The following AK9 variants were observed in gnomAD, a reference collection of about 807,000 sequenced individuals.
AK9 encodes the protein adenylate kinase 9, also known as adenylate kinase domain containing 1.
AK9 carries 191 observed loss-of-function variants against 239.6 expected under a neutral mutation model. The observed-to-expected ratio is 0.80, with a 90% CI of 0.71 to 0.90. The LOEUF is 0.90. AK9 is among the 40% of genes least tolerant of loss of function. The pLI is 0.00. For synonymous variants in AK9, 689 were observed against 721.0 expected (o/e 0.96, Z 0.71); for missense variants, 1,995 against 2,214.7 (o/e 0.90, Z 1.99).
chr6:109,553,060 C>G (rs4946985), intron 24 of AK9, among the ~76,000 whole-genome samples: 1 of 151,958 alleles, frequency 6.6e-6, no homozygotes, highest in African/African-American at 2.4e-5. Flanking sequence ...TTCCATTGGT[C>G]TATATGTCTG....
intron 24 of AK9, among the ~76,000 whole-genome samples, chr6:109,558,974 T>C (rs1489914381): frequency 6.6e-6 from 1 of 151,796 alleles, no homozygotes; most frequent in Non-Finnish European, 1.5e-5. Flanking sequence ...GTCTCAGCAT[T>C]GCCAGCAGCT....
chr6:109,640,688 A>C (rs1282449046), intron 10 of AK9, among the ~76,000 whole-genome samples: 1 of 151,678 alleles, frequency 6.6e-6, no homozygotes, highest in African/African-American at 2.4e-5. Flanking sequence ...AAGTGCTGGG[A>C]TACTGTGCCC....
At chr6:109,602,599 T>C (rs940023831) in intron 17 of AK9, among the ~76,000 whole-genome samples, 1 of 152,164 alleles carries the variant, frequency 6.6e-6, no homozygotes, top group Non-Finnish European at 1.5e-5. Context: ...TCTCTGTATT[T>C]CCTGAATTTG....
At chr6:109,535,718 C>T (rs2128138875) in intron 27 of AK9, among the ~76,000 whole-genome samples, 1 of 152,254 alleles carries the variant, frequency 6.6e-6, no homozygotes, top group South Asian at 2.1e-4. Flanking sequence ...AGGTTTCCTT[C>T]TAGGGTTTTT....
At chr6:109,641,730 C>T in intron 9 of AK9, 114 bp from the exon 10 acceptor site, 1 of 867,796 alleles carries the variant, frequency 1.2e-6, no homozygotes, top group East Asian at 2.8e-5. Context: ...TGGGTCGAAT[C>T]CTTGCTTGCT....
chr6:109,596,953 TCAAA>T (rs2128224204), intron 17 of AK9, among the ~76,000 whole-genome samples: 1 of 152,336 alleles, frequency 6.6e-6, no homozygotes, highest in Admixed American at 6.5e-5. Context: ...TAGTATTTTA[TCAAA>T]CAAATAAACC....
At position 109,645,821 on chromosome 6, in the gene AK9, C is replaced by A. The variant is rs116209888; in HGVS notation, c.760-1133G>T. Among the ~76,000 whole-genome samples, 446 of 152,310 alleles carry A rather than the reference C, an allele frequency of 2.9e-3. 3 individuals carry two copies. The highest frequency in any genetic ancestry group is 0.01 in the African/African-American group (432 of 41,570). On this transcript the variant is annotated intron_variant, in intron 8 of 40. Transcript: ENST00000424296. The stretch of plus-strand genomic sequence containing the variant: ...ACCTCCCAGTAGGGGCTCACTGACA[C>A]CTCATACAGCCAAGAGCTCCTCTGA...
intron 1 of AK9, among the ~76,000 whole-genome samples, chr6:109,677,228 C>A (rs923924566): frequency 3.9e-5 from 6 of 152,120 alleles, no homozygotes; most frequent in African/African-American, 1.2e-4. Flanking sequence ...TGCACATGTA[C>A]CCCGAACCTA....
intron 8 of AK9, among the ~76,000 whole-genome samples, chr6:109,653,443 C>T (rs1282294614): frequency 6.6e-6 from 1 of 152,302 alleles, no homozygotes. Context: ...TTCAGATATG[C>T]ATCTCTGTAA....
At chr6:109,550,805 T>C (rs779616723) in intron 24 of AK9, among the ~76,000 whole-genome samples, 3 of 152,182 alleles carry the variant, frequency 2.0e-5, no homozygotes, top group Non-Finnish European at 4.4e-5. Flanking sequence ...TCATTTATGA[T>C]AAAGAAAATA....
chr6:109,597,845 A>G (rs2128225281), intron 17 of AK9, among the ~76,000 whole-genome samples: 1 of 152,148 alleles, frequency 6.6e-6, no homozygotes, highest in Non-Finnish European at 1.5e-5. Context: ...AAAAAAAGGA[A>G]AGTACAACTT....
At chr6:109,500,654 T>G (rs997418795) in intron 35 of AK9, among the ~76,000 whole-genome samples, 1 of 152,214 alleles carries the variant, frequency 6.6e-6, no homozygotes, top group Non-Finnish European at 1.5e-5. Flanking sequence ...ATTACAGCAC[T>G]GTAATCCCTT....
chr6:109,626,991 T>C (rs1795597195), intron 12 of AK9, among the ~76,000 whole-genome samples: 1 of 152,126 alleles, frequency 6.6e-6, no homozygotes. Flanking sequence ...TATAGCTTTT[T>C]TACTTTATAA....
intron 1 of AK9, among the ~76,000 whole-genome samples, chr6:109,684,814 C>T (rs1490344258): frequency 8.6e-6 from 1 of 116,530 alleles, no homozygotes; most frequent in Non-Finnish European, 1.6e-5. Flanking sequence ...GCAGAGCTTG[C>T]AGTGAGCCGA....
At chr6:109,525,554 A>T (rs1306433075) in intron 29 of AK9, among the ~76,000 whole-genome samples, 1 of 152,246 alleles carries the variant, frequency 6.6e-6, no homozygotes. Context: ...GAGCATATGA[A>T]AAAATGCTCA....
At chr6:109,686,975 C>T (rs1481189010) in intron 1 of AK9, among the ~76,000 whole-genome samples, 1 of 152,260 alleles carries the variant, frequency 6.6e-6, no homozygotes, top group East Asian at 1.9e-4. Context: ...TCACCTGTCT[C>T]ATGCACCAAT....
intron 2 of AK9, among the ~76,000 whole-genome samples, 186 bp from the exon 3 acceptor site, chr6:109,674,447 G>A: frequency 6.6e-6 from 1 of 152,016 alleles, no homozygotes; most frequent in Non-Finnish European, 1.5e-5. Context: ...TTTTGCATAT[G>A]TCACATCTCC....
chr6:109,548,630 T>C (rs150543288), intron 25 of AK9, among the ~76,000 whole-genome samples: 5 of 152,190 alleles, frequency 3.3e-5, no homozygotes, highest in African/African-American at 4.8e-5. Context: ...GCAGAAACAA[T>C]AGCCAAAACA....
intron 29 of AK9, among the ~76,000 whole-genome samples, chr6:109,525,611 C>T (rs1437411607): frequency 1.3e-5 from 2 of 152,106 alleles, no homozygotes; most frequent in Non-Finnish European, 2.9e-5. Context: ...ACAGTGGTGT[C>T]TTATCTCATG....
Sources: allele counts gnomAD v4.1 joint callset (sites outside exome capture counted in the v4.1 genomes callset), GRCh38; gene constraint gnomAD v4.1.1; transcripts MANE v1.5; gene names NCBI Gene and HGNC (gene_info 2026-07-23, HGNC 2026-07-21).